The following NRXN3 variants were observed in gnomAD, a reference collection of about 807,000 sequenced individuals.
NRXN3 encodes neurexin 3, also known as neurexin III.
In NRXN3, 32 loss-of-function variants were observed where a neutral mutation model predicts 137.6. That is an observed-to-expected ratio of 0.23 (90% CI 0.18 to 0.31). NRXN3 has a LOEUF of 0.31. NRXN3 is among the 10% of genes least tolerant of loss of function. The probability of loss-of-function intolerance (pLI) is 1.00; values close to 1 mark genes in which losing one functional copy is unlikely to be tolerated. For missense variants in NRXN3, 1,574 were observed against 2,062.5 expected, an observed-to-expected ratio of 0.76 and a Z score of 4.59; for synonymous variants, 798 against 784.5, an observed-to-expected ratio of 1.02 and a Z score of -0.29.
intron 15 of NRXN3, among the ~76,000 whole-genome samples, chr14:79,070,821 GA>G (rs2099686707): frequency 6.6e-6 from 1 of 151,978 alleles, no homozygotes; most frequent in East Asian, 1.9e-4. Context: ...ATCTGTCCTG[GA>G]AAAAAATACG....
chr14:78,192,399 C>A (rs1404404923), intron 1 of NRXN3, among the ~76,000 whole-genome samples: 1 of 152,100 alleles, frequency 6.6e-6, no homozygotes, highest in African/African-American at 2.4e-5. Context: ...ATAGGAGATA[C>A]TGAACTCACC....
chr14:79,639,886 C>G (rs2098424130), intron 16 of NRXN3, among the ~76,000 whole-genome samples: 1 of 152,042 alleles, frequency 6.6e-6, no homozygotes, highest in Non-Finnish European at 1.5e-5. Context: ...CCTCCCCACC[C>G]CCACCATCAG....
chr14:79,528,841 T>C (rs892003779), intron 16 of NRXN3, among the ~76,000 whole-genome samples: 96 of 152,104 alleles, frequency 6.3e-4, no homozygotes, highest in African/African-American at 2.2e-3. Context: ...CATCGAAGAG[T>C]GAAGTGCAGC....
At chr14:78,398,501 C>G (rs939559163) in intron 4 of NRXN3, among the ~76,000 whole-genome samples, 2 of 152,106 alleles carry the variant, frequency 1.3e-5, no homozygotes, top group African/African-American at 4.8e-5. Context: ...CTCTACTTGG[C>G]CAATATTGAC....
intron 15 of NRXN3, among the ~76,000 whole-genome samples, chr14:79,186,569 C>T (rs775492249): frequency 6.6e-6 from 1 of 152,138 alleles, no homozygotes; most frequent in Non-Finnish European, 1.5e-5. Flanking sequence ...AATCAAGTCT[C>T]CAAAATTTCT....
At chr14:78,697,716 C>T (rs1042000452) in intron 6 of NRXN3, among the ~76,000 whole-genome samples, 18 of 152,008 alleles carry the variant, frequency 1.2e-4, no homozygotes, top group Admixed American at 5.9e-4. Flanking sequence ...TGTAAAGAAA[C>T]CTTTTTTGGA....
In NRXN3 at chr14:78,966,547, T is replaced by C. The variant is rs952164799; in HGVS notation, c.2777+141T>C. On this transcript the variant is annotated intron_variant, in intron 12 of 20. Transcript: ENST00000335750. ...CATTCTCGCATCTTCCTTGATTAAA[T>C]GGATCCATAAAATTATTAGGTCTGG... 4.5e-6 allele frequency: 4 copies of C among 896,734 alleles called. No homozygotes were observed. In the African/African-American group the frequency reaches 5.0e-5, roughly 11 times the overall value. The allele number at this position is 896,734 out of a possible 1,614,324, so 55.5% of individuals were successfully genotyped here. A position where few individuals can be genotyped will look rare whatever the true frequency, so the allele number is the denominator to read the frequency against.
At chr14:78,888,583 C>T (rs1739915151) in intron 10 of NRXN3, among the ~76,000 whole-genome samples, 1 of 151,978 alleles carries the variant, frequency 6.6e-6, no homozygotes, top group African/African-American at 2.4e-5. Context: ...CAGTGTGTTA[C>T]TTTTCCTCTA....
intron 15 of NRXN3, among the ~76,000 whole-genome samples, chr14:79,027,747 T>G (rs2099600954): frequency 6.6e-6 from 1 of 152,162 alleles, no homozygotes; most frequent in African/African-American, 2.4e-5. Context: ...CCAGGAATGT[T>G]ATGTGTCTTT....
At chr14:78,287,542 C>T (rs2075309811) in intron 3 of NRXN3, among the ~76,000 whole-genome samples, 1 of 152,234 alleles carries the variant, frequency 6.6e-6, no homozygotes, top group East Asian at 1.9e-4. Context: ...ATTTTTGAAT[C>T]TCTTCTGTAA....
chr14:78,427,634 A>G (rs1598533547), intron 4 of NRXN3, among the ~76,000 whole-genome samples: 1 of 152,196 alleles, frequency 6.6e-6, no homozygotes, highest in African/African-American at 2.4e-5. Context: ...AAGAAAGAAA[A>G]TAACTCATTG....
intron 4 of NRXN3, among the ~76,000 whole-genome samples, chr14:78,499,565 A>G (rs2153771367): frequency 6.6e-6 from 1 of 152,280 alleles, no homozygotes; most frequent in African/African-American, 2.4e-5. Context: ...TTAAAGCATC[A>G]CACATTTATT....
At chr14:79,643,290 TGTCTTCCTGTCTCA>T (rs1459439568) in intron 16 of NRXN3, among the ~76,000 whole-genome samples, 2 of 135,966 alleles carry the variant, frequency 1.5e-5, no homozygotes, top group Non-Finnish European at 3.4e-5. Context: ...CTATTCCTCC[TGTCTTCCTGTCTCA>T]GAGGAAAAAT....
intron 2 of NRXN3, among the ~76,000 whole-genome samples, chr14:78,247,301 G>A (rs942741324): frequency 1.3e-5 from 2 of 152,208 alleles, no homozygotes; most frequent in African/African-American, 2.4e-5. Flanking sequence ...AGACCCAGAA[G>A]ACACAGGAGG....
intron 19 of NRXN3, among the ~76,000 whole-genome samples, chr14:79,791,701 T>G (rs1223240443): frequency 4.6e-5 from 7 of 151,926 alleles, no homozygotes; most frequent in African/African-American, 1.4e-4. Flanking sequence ...ACATGTCCCG[T>G]GCAAACCCAA....
At chr14:79,531,895 A>T (rs2097172585) in intron 16 of NRXN3, among the ~76,000 whole-genome samples, 1 of 152,196 alleles carries the variant, frequency 6.6e-6, no homozygotes, top group Non-Finnish European at 1.5e-5. Context: ...ATGATCTAAA[A>T]ATTGAGAGTA....
chr14:79,483,575 G>A (rs1259635912), intron 16 of NRXN3, among the ~76,000 whole-genome samples: 2 of 152,198 alleles, frequency 1.3e-5, no homozygotes, highest in Non-Finnish European at 2.9e-5. Context: ...GAGGCATGCA[G>A]TCTGAGCTCC....
chr14:78,620,279 T>A (rs1234691015), intron 4 of NRXN3, among the ~76,000 whole-genome samples: 1 of 152,246 alleles, frequency 6.6e-6, no homozygotes, highest in Non-Finnish European at 1.5e-5. Context: ...ATAGAATGTT[T>A]ACTGAGGTGT....
chr14:79,739,699 C>CGAT, intron 19 of NRXN3, among the ~76,000 whole-genome samples: 1 of 141,174 alleles, frequency 7.1e-6, no homozygotes, highest in Non-Finnish European at 1.5e-5. Flanking sequence ...TCCAATGGTG[C>CGAT]GATCAGGTGC....
Sources: gnomAD v4.1 joint callset for allele counts (sites outside exome capture counted in the v4.1 genomes callset) on GRCh38, gnomAD v4.1.1 for gene constraint, MANE v1.5 for transcripts, NCBI Gene and HGNC (gene_info 2026-07-23, HGNC 2026-07-21) for gene names.